The following MAP7 variants were observed in gnomAD, a reference collection of about 807,000 sequenced individuals.
MAP7 encodes the protein ensconsin.
MAP7 carries 52 observed loss-of-function variants against 94.8 expected under a neutral mutation model. The observed-to-expected ratio is 0.55, with a 90% CI of 0.44 to 0.69. The LOEUF is 0.69. Ranked by LOEUF, MAP7 falls within the 30% of genes least tolerant of loss-of-function variation. The pLI is 0.00. For missense variants in MAP7, 940 were observed against 964.6 expected (o/e 0.97, Z 0.34); for synonymous variants, 350 against 357.0 (o/e 0.98, Z 0.22).
At chr6:136,430,442 G>GT (rs1794571785) in intron 1 of MAP7, among the ~76,000 whole-genome samples, 1 of 152,130 alleles carries the variant, frequency 6.6e-6, no homozygotes, top group Non-Finnish European at 1.5e-5. Context: ...TTAAATATCA[G>GT]TTTTGTAAAT....
In MAP7 at chr6:136,362,565, C is replaced by T. The variant is rs765075900; in HGVS notation, c.1411G>A (p.Ala471Thr). 9.3e-6 allele frequency: 15 copies of T among 1,614,142 alleles called. No individual in the cohort carries two copies. Among genetic ancestry groups the T allele is most frequent in the Non-Finnish European group, 1.2e-5 (14 of 1,180,024 alleles). ...VNASASVKTS[A>T]GTTDPEEATR... is the part of the protein sequence containing the mutation. Reference sequence around the variant, plus strand: ...GCCTCCTCTGGGTCGGTGGTGCCTGCAGAAGTCTTAACAGAAGCACTGGCA... The same window carrying T: ...GCCTCCTCTGGGTCGGTGGTGCCTGTAGAAGTCTTAACAGAAGCACTGGCA... The change falls in exon 11 of 18, where the codon GCA becomes ACA. Residue 471 changes from alanine (A) to threonine (T), a missense_variant. Coordinates refer to ENST00000354570, the MANE Select transcript of MAP7 (RefSeq NM_003980.6).
chr6:136,468,655 T>A (rs1423785885), intron 1 of MAP7, among the ~76,000 whole-genome samples: 1 of 152,234 alleles, frequency 6.6e-6, no homozygotes, highest in Non-Finnish European at 1.5e-5. Context: ...GAATATCTCA[T>A]GTAATTTATT....
Position 136,361,076 on chromosome 6 carries a change from C to G in MAP7, c.1630G>C (p.Glu544Gln). 1 of 1,602,298 alleles carries G rather than the reference C, an allele frequency of 6.2e-7. No individual in the cohort carries two copies. The highest frequency in any genetic ancestry group is 1.1e-5 in the South Asian group (1 of 90,758). ...TCCTCCGCCTGCCGCTGCAGCTGCT[C>G]CTCCTTCTCCCGGGCCTGCTCGGCT... Reference protein sequence around the residue: ...LEAEQAREKEEQLQRQAEERA... With the variant: ...LEAEQAREKEQQLQRQAEERA... Residue 544 changes from glutamate (E) to glutamine (Q), a missense_variant, in exon 12 of 18, where the codon GAG (glutamate) becomes CAG (glutamine). By Grantham distance (29) the Glu-to-Gln change is conservative. Coordinates refer to ENST00000354570, the MANE Select transcript of MAP7 (RefSeq NM_003980.6).
At chr6:136,356,818 A>C (rs753748851) in intron 15 of MAP7, 24 bp from the exon 16 acceptor site, 39 of 1,562,672 alleles carry the variant, frequency 2.5e-5, no homozygotes, top group Non-Finnish European at 9.7e-6. Context: ...AGGAGACAGA[A>C]CACAGGGTTA....
chr6:136,420,530 T>A, intron 2 of MAP7: 1 of 282,198 alleles, frequency 3.5e-6, no homozygotes, highest in Non-Finnish European at 6.8e-6. Context: ...GGGTTCATGT[T>A]GTTTGCTCAT....
rs75782434 is a variant in MAP7, at chr6:136,458,713, G to A, written c.68-36914C>T. On this transcript the variant is annotated intron_variant, in intron 1 of 17. Transcript: ENST00000354570. ...ATAATGCTGGAAAAACTAGATATCC[G>A]CATGCTTAAGGAAGAAATTAGACCT... 4.2e-3 allele frequency among the ~76,000 whole-genome samples: 636 copies of A among 151,992 alleles called. 5 individuals carry two copies. Among genetic ancestry groups the A allele is most frequent in the African/African-American group, 0.015 (615 of 41,520 alleles).
At chr6:136,381,831 C>T (rs963709451) in intron 6 of MAP7, among the ~76,000 whole-genome samples, 10 of 150,402 alleles carry the variant, frequency 6.6e-5, no homozygotes, top group African/African-American at 2.2e-4. Flanking sequence ...TCCCTTAACG[C>T]TGATGTCCTA....
intron 1 of MAP7, among the ~76,000 whole-genome samples, chr6:136,515,414 A>G (rs1213629652): frequency 6.6e-6 from 1 of 152,190 alleles, no homozygotes; most frequent in East Asian, 1.9e-4. Context: ...CTGCATTCAC[A>G]TCTTGGCTGT....
chr6:136,549,799 C>T (rs1829994688), intron 1 of MAP7, among the ~76,000 whole-genome samples: 1 of 152,212 alleles, frequency 6.6e-6, no homozygotes, highest in Non-Finnish European at 1.5e-5. Context: ...ACGGTCGTCG[C>T]CACTGCGGGC....
At chr6:136,459,309 A>G (rs1241453228) in intron 1 of MAP7, among the ~76,000 whole-genome samples, 1 of 152,104 alleles carries the variant, frequency 6.6e-6, no homozygotes, top group Non-Finnish European at 1.5e-5. Flanking sequence ...ACTGTTACTG[A>G]GAATGAAAAA....
At chr6:136,366,591 C>A (rs1164353992) in intron 8 of MAP7, 152 bp from the exon 9 acceptor site, 3 of 620,842 alleles carry the variant, frequency 4.8e-6, no homozygotes, top group African/African-American at 3.7e-5. Flanking sequence ...ACAAAAGGCC[C>A]TTGTTAGCTT....
intron 1 of MAP7, among the ~76,000 whole-genome samples, chr6:136,530,756 AAG>A (rs2129056183): frequency 6.9e-6 from 1 of 145,502 alleles, no homozygotes; most frequent in South Asian, 2.1e-4. Context: ...CTTTGAAAGG[AAG>A]AGGCAGATTT....
Position 136,521,886 on chromosome 6 carries a change from C to T in MAP7, c.67+28456G>A, listed in dbSNP as rs191516470. Among the ~76,000 whole-genome samples the T allele has an allele frequency of 7.4e-4, 112 of 152,316 alleles. No homozygotes were observed. The South Asian group carries it at 8.9e-3, about 12-fold the overall frequency. ...TGGCACACACTTAACATTTCTGCCACTCTCATCCTCTCCCTTTCCTGACTT... is the reference window on the plus strand; with the variant it reads ...TGGCACACACTTAACATTTCTGCCATTCTCATCCTCTCCCTTTCCTGACTT... On this transcript the variant is annotated intron_variant, in intron 1 of 17. Transcript: ENST00000354570.
intron 2 of MAP7, among the ~76,000 whole-genome samples, chr6:136,416,003 A>G (rs1243957516): frequency 6.6e-6 from 1 of 152,202 alleles, no homozygotes; most frequent in Non-Finnish European, 1.5e-5. Flanking sequence ...GGTTGTTTCT[A>G]TCCCTCTGTT....
chr6:136,414,004 C>T (rs1387870632), intron 2 of MAP7, among the ~76,000 whole-genome samples: 2 of 151,890 alleles, frequency 1.3e-5, no homozygotes, highest in African/African-American at 2.4e-5. Context: ...AATCCCAGCA[C>T]TTTGGGAGGC....
chr6:136,435,372 C>T (rs1289288348), intron 1 of MAP7, among the ~76,000 whole-genome samples: 1 of 152,144 alleles, frequency 6.6e-6, no homozygotes, highest in Non-Finnish European at 1.5e-5. Context: ...GATAACCAGT[C>T]CTGTTTCCAG....
At chr6:136,497,075 G>A (rs9376189) in intron 1 of MAP7, among the ~76,000 whole-genome samples, 11,562 of 152,034 alleles carry the variant, frequency 0.076, 1,020 homozygotes, top group African/African-American at 0.21. Flanking sequence ...TTCAACCTGA[G>A]CTGCCAGGAA....
chr6:136,365,477 C>G (rs984585497), intron 10 of MAP7, among the ~76,000 whole-genome samples: 1 of 152,162 alleles, frequency 6.6e-6, no homozygotes, highest in Non-Finnish European at 1.5e-5. Flanking sequence ...ACACAGGCTA[C>G]GCCAGGGGTC....
chr6:136,485,146 T>A (rs1814221935), intron 1 of MAP7, among the ~76,000 whole-genome samples: 1 of 152,244 alleles, frequency 6.6e-6, no homozygotes, highest in Non-Finnish European at 1.5e-5. Flanking sequence ...GTATGAATTG[T>A]GTCTCTTAGA....
Sources: gnomAD v4.1 joint callset for allele counts (sites outside exome capture counted in the v4.1 genomes callset) on GRCh38, gnomAD v4.1.1 for gene constraint, MANE v1.5 for transcripts, NCBI Gene and HGNC (gene_info 2026-07-23, HGNC 2026-07-21) for gene names.